Variants in EYS observed in about 807,000 individuals in gnomAD.
EYS encodes the protein EGF-like photoreceptor maintenance factor, also known as protein eyes shut homolog.
EYS carries 250 observed loss-of-function variants against 282.1 expected under a neutral mutation model. The observed-to-expected ratio is 0.89, with a 90% CI of 0.80 to 0.98. The LOEUF is 0.98. Among genes scored for constraint, EYS ranks in the 50% least tolerant of loss-of-function variants. The probability of loss-of-function intolerance (pLI) is 0.00; values close to 1 mark genes in which losing one functional copy is unlikely to be tolerated. For synonymous variants in EYS, 1,355 were observed against 1,282.9 expected (o/e 1.06, Z -1.20); for missense variants, 4,016 against 3,709.0 (o/e 1.08, Z -2.15).
chr6:63,748,484 G>C (rs1282321770), intron 41 of EYS, among the ~76,000 whole-genome samples: 1 of 152,132 alleles, frequency 6.6e-6, no homozygotes, highest in Non-Finnish European at 1.5e-5. Context: ...TTGGTACCAG[G>C]ATAATGCTGG....
intron 31 of EYS, among the ~76,000 whole-genome samples, chr6:64,107,767 C>G (rs1471789071): frequency 6.6e-6 from 1 of 152,062 alleles, no homozygotes; most frequent in African/African-American, 2.4e-5. Context: ...GTAAAAGGAA[C>G]TGCTGTAAAT....
At chr6:65,468,013 G>GTT (rs1480204639) in intron 5 of EYS, among the ~76,000 whole-genome samples, 1 of 152,120 alleles carries the variant, frequency 6.6e-6, no homozygotes, top group East Asian at 1.9e-4. Context: ...CCAATGCCCT[G>GTT]TTTGCTCCTT....
At chr6:65,348,652 T>C (rs541595273) in intron 9 of EYS, among the ~76,000 whole-genome samples, 1 of 151,868 alleles carries the variant, frequency 6.6e-6, no homozygotes, top group South Asian at 2.1e-4. Flanking sequence ...TTTGCAAATA[T>C]GATATACCAT....
intron 2 of EYS, among the ~76,000 whole-genome samples, chr6:65,620,991 A>G (rs1053404306): frequency 1.4e-4 from 21 of 152,114 alleles, no homozygotes; most frequent in African/African-American, 4.6e-4. Flanking sequence ...TCAATTTTGG[A>G]ATAGGTGTGG....
chr6:64,071,586 A>C (rs1034074771), intron 32 of EYS, among the ~76,000 whole-genome samples: 1 of 150,480 alleles, frequency 6.6e-6, no homozygotes. Context: ...AAATCAGCTA[A>C]ATCTTAAAGA....
chr6:65,000,252 A>G (rs1189121450), intron 13 of EYS, among the ~76,000 whole-genome samples: 1 of 151,610 alleles, frequency 6.6e-6, no homozygotes, highest in Non-Finnish European at 1.5e-5. Flanking sequence ...TGCAAGGGGG[A>G]AAAAGGACCT....
intron 5 of EYS, among the ~76,000 whole-genome samples, chr6:65,407,756 T>TGTGC (rs1766813973): frequency 6.8e-6 from 1 of 146,790 alleles, no homozygotes; most frequent in African/African-American, 2.5e-5. Flanking sequence ...TGTGTGTGTG[T>TGTGC]GTGTGTGTGT....
intron 22 of EYS, among the ~76,000 whole-genome samples, chr6:64,688,870 A>C (rs1173180544): frequency 4.6e-5 from 7 of 152,064 alleles, no homozygotes; most frequent in Admixed American, 1.3e-4. Flanking sequence ...TATCATACTG[A>C]ATGGACAAAA....
intron 12 of EYS, among the ~76,000 whole-genome samples, chr6:65,079,610 T>G (rs1282650758): frequency 6.6e-6 from 1 of 152,066 alleles, no homozygotes; most frequent in Non-Finnish European, 1.5e-5. Flanking sequence ...TCATATTAAC[T>G]TTACTTATTT....
chr6:65,492,321 G>GAAGAAAGA (rs370825508), intron 4 of EYS, among the ~76,000 whole-genome samples: 13 of 99,726 alleles, frequency 1.3e-4, no homozygotes, highest in African/African-American at 5.4e-4. Context: ...GAGAAAGAAA[G>GAAGAAAGA]AAGAAAGAAA....
At chr6:64,449,639 C>G (rs903307384) in intron 26 of EYS, among the ~76,000 whole-genome samples, 7 of 152,142 alleles carry the variant, frequency 4.6e-5, no homozygotes, top group Non-Finnish European at 1.0e-4. Context: ...GGAAGCCCAT[C>G]AGACTAACAG....
chr6:64,327,175 T>A (rs1476795259), intron 29 of EYS, among the ~76,000 whole-genome samples: 1 of 151,978 alleles, frequency 6.6e-6, no homozygotes, highest in Non-Finnish European at 1.5e-5. Flanking sequence ...AAACCAGATC[T>A]AGGACACTGT....
At chr6:64,101,039 C>T (rs1369101153) in intron 31 of EYS, among the ~76,000 whole-genome samples, 1 of 152,200 alleles carries the variant, frequency 6.6e-6, no homozygotes, top group African/African-American at 2.4e-5. Context: ...TAGCTAAAAC[C>T]AGCAAATGTT....
intron 24 of EYS, among the ~76,000 whole-genome samples, chr6:64,606,407 T>C (rs1766939063): frequency 6.6e-6 from 1 of 151,992 alleles, no homozygotes; most frequent in Non-Finnish European, 1.5e-5. Context: ...TTGCCATCCA[T>C]AGCATCTTGT....
intron 39 of EYS, among the ~76,000 whole-genome samples, chr6:63,784,693 G>T (rs1770321261): frequency 6.6e-6 from 1 of 151,814 alleles, no homozygotes; most frequent in African/African-American, 2.4e-5. Context: ...CTACCCCCAT[G>T]ATCCAAACAC....
chr6:64,251,299 A>G (rs1767207431), intron 30 of EYS, among the ~76,000 whole-genome samples: 1 of 152,176 alleles, frequency 6.6e-6, no homozygotes, highest in Non-Finnish European at 1.5e-5. Flanking sequence ...CATAATCTTT[A>G]TGTACTGAAC....
chr6:64,917,757 T>A lies in EYS; in HGVS notation c.2382-5014A>T, dbSNP rs142269507. Among the ~76,000 whole-genome samples, 1,498 of 152,284 alleles carry A rather than the reference T, an allele frequency of 9.8e-3. 42 individuals carry two copies. The highest frequency in any genetic ancestry group is 0.034 in the African/African-American group (1,415 of 41,552). ...TATGTTAATTAGCTTGATTTACCCA[T>A]TTCAAAATGTATGCATATATCAAAA... is the stretch of plus-strand genomic sequence containing the variant. On this transcript the variant is annotated intron_variant, in intron 15 of 42. Coordinates refer to ENST00000503581, the MANE Select transcript of EYS (RefSeq NM_001142800.2).
chr6:65,018,678 T>C (rs929281925), intron 13 of EYS, among the ~76,000 whole-genome samples: 1 of 152,148 alleles, frequency 6.6e-6, no homozygotes, highest in Non-Finnish European at 1.5e-5. Context: ...TGTATGTTGG[T>C]TTTTGTTTTT....
intron 36 of EYS, among the ~76,000 whole-genome samples, chr6:63,815,641 C>T (rs1582235466): frequency 6.6e-6 from 1 of 152,046 alleles, no homozygotes; most frequent in Admixed American, 6.6e-5. Flanking sequence ...AACTGATATT[C>T]AGGATATACC....
Sources: allele counts gnomAD v4.1 joint callset (sites outside exome capture counted in the v4.1 genomes callset), GRCh38; gene constraint gnomAD v4.1.1; transcripts MANE v1.5; gene names NCBI Gene and HGNC (gene_info 2026-07-23, HGNC 2026-07-21).